Variants in DLEU7 observed in about 807,000 individuals in gnomAD.
DLEU7 encodes leukemia-associated protein 7.
In DLEU7, 17 loss-of-function variants were observed where a neutral mutation model predicts 16.0. That is an observed-to-expected ratio of 1.06 (90% confidence interval 0.73 to 1.59). DLEU7 has a LOEUF of 1.59. DLEU7 is among the 40% of genes most tolerant of loss of function. DLEU7 has a pLI of 0.00. For missense variants in DLEU7, 308 were observed against 314.9 expected, an observed-to-expected ratio of 0.98 and a Z score of 0.17; for synonymous variants, 113 against 139.8, an observed-to-expected ratio of 0.81 and a Z score of 1.35.
chr13:50,766,808 C>T (rs1229225886), intron 1 of DLEU7, among the ~76,000 whole-genome samples: 2 of 151,254 alleles, frequency 1.3e-5, no homozygotes, highest in Non-Finnish European at 2.9e-5. Flanking sequence ...CCACCCCCCA[C>T]GCCCCACCCC....
At chr13:50,823,547 G>T in intron 1 of DLEU7, 27 bp from the exon 2 acceptor site, 4 of 1,533,858 alleles carry the variant, frequency 2.6e-6, no homozygotes, top group Non-Finnish European at 3.5e-6. Context: ...ACACAAACAA[G>T]AAATTAGATA....
At chr13:50,816,006 T>C (rs1483261010) in intron 1 of DLEU7, among the ~76,000 whole-genome samples, 1 of 152,136 alleles carries the variant, frequency 6.6e-6, no homozygotes, top group Admixed American at 6.6e-5. Context: ...AGCAAAAGTG[T>C]GAGGTCAATT....
chr13:50,801,319 A>G (rs759760514), intron 1 of DLEU7, among the ~76,000 whole-genome samples: 6 of 151,906 alleles, frequency 3.9e-5, no homozygotes, highest in Non-Finnish European at 8.8e-5. Context: ...CAGTGCAGCA[A>G]CCCTTCCTGA....
intron 1 of DLEU7, among the ~76,000 whole-genome samples, chr13:50,769,960 G>C (rs1049720862): frequency 2.6e-5 from 4 of 152,058 alleles, no homozygotes; most frequent in East Asian, 1.9e-4. Flanking sequence ...CTTTTATTTC[G>C]TTGAGCAGTG....
intron 1 of DLEU7, among the ~76,000 whole-genome samples, chr13:50,770,086 G>A (rs1001163700): frequency 1.3e-5 from 2 of 152,102 alleles, no homozygotes; most frequent in African/African-American, 2.4e-5. Context: ...TGTTATTGGT[G>A]TATAGGAATG....
chr13:50,835,655 C>T (rs9568481), intron 1 of DLEU7, among the ~76,000 whole-genome samples: 67,547 of 152,030 alleles, frequency 0.44, 15,402 homozygotes, highest in Middle Eastern at 0.52. Flanking sequence ...AATCAGAAAC[C>T]GCCCAGCTGG....
intron 1 of DLEU7, among the ~76,000 whole-genome samples, chr13:50,747,547 A>G (rs896448617): frequency 1.3e-5 from 2 of 152,102 alleles, no homozygotes; most frequent in African/African-American, 4.8e-5. Context: ...GAGAAGCCCA[A>G]AATTTCACAG....
Position 50,843,202 on chromosome 13 carries a change from GA to G in DLEU7, c.444del (p.Ile150PhefsTer3). Reference sequence around the variant, plus strand: ...GCCAGACTCACCTTCAGGTGAATGGGAAAGGACCGCTCCTGCTGGAGGGGCC... The same window carrying G: ...GCCAGACTCACCTTCAGGTGAATGGGAAGGACCGCTCCTGCTGGAGGGGCC... Reference protein sequence around the residue: ...LLGPLQQERSFPIHLKDSVEF... With the variant: ...LLGPLQQERSXPIHLKDSVEF... On this transcript the variant is annotated frameshift_variant, in exon 1 of 2. Transcript: ENST00000504404. LOFTEE classifies it high-confidence loss of function. The surrounding 1 kb of genome is among the most constrained non-coding windows in gnomAD (Gnocchi z 5.7). The G allele has an allele frequency of 6.3e-7, 1 of 1,593,674 alleles. No homozygotes were observed. Among genetic ancestry groups the G allele is most frequent in the East Asian group, 2.4e-5 (1 of 42,010 alleles).
chr13:50,778,006 G>T (rs192685565), intron 1 of DLEU7, among the ~76,000 whole-genome samples: 6 of 152,270 alleles, frequency 3.9e-5, no homozygotes, highest in Non-Finnish European at 8.8e-5. Flanking sequence ...GGAAGATCAA[G>T]TGACAAACCT....
chr13:50,791,469 A>G (rs576919727), intron 1 of DLEU7, among the ~76,000 whole-genome samples: 83 of 152,256 alleles, frequency 5.5e-4, no homozygotes, highest in African/African-American at 1.9e-3. Flanking sequence ...GGAACAGGGT[A>G]GACTGGACAC....
chr13:50,715,193 C>A (rs1873406598), intron 1 of DLEU7, among the ~76,000 whole-genome samples: 1 of 152,150 alleles, frequency 6.6e-6, no homozygotes, highest in African/African-American at 2.4e-5. Flanking sequence ...TCTCACGAGG[C>A]CTCATCTCTC....
intron 1 of DLEU7, among the ~76,000 whole-genome samples, chr13:50,738,984 C>T (rs1473571290): frequency 1.5e-5 from 2 of 130,488 alleles, no homozygotes; most frequent in Non-Finnish European, 3.1e-5. Flanking sequence ...CACACACACA[C>T]ACACACACAC....
intron 1 of DLEU7, among the ~76,000 whole-genome samples, chr13:50,817,616 C>A (rs1166235883): frequency 6.6e-6 from 1 of 152,070 alleles, no homozygotes; most frequent in African/African-American, 2.4e-5. Context: ...GGATCTGGCA[C>A]CAGAGCATGA....
intron 1 of DLEU7, among the ~76,000 whole-genome samples, chr13:50,833,672 C>T (rs1252840908): frequency 3.3e-5 from 5 of 152,150 alleles, no homozygotes; most frequent in Non-Finnish European, 7.3e-5. Flanking sequence ...ACTTTCTTCA[C>T]AGAATTAGAA....
At chr13:50,796,833 C>T (rs140593964) in intron 1 of DLEU7, among the ~76,000 whole-genome samples, 34 of 152,234 alleles carry the variant, frequency 2.2e-4, no homozygotes, top group African/African-American at 7.0e-4. Flanking sequence ...AGAAGGAAAA[C>T]GCATCCCTGA....
intron 1 of DLEU7, among the ~76,000 whole-genome samples, chr13:50,714,449 C>A (rs760755137): frequency 2.7e-4 from 41 of 152,216 alleles, no homozygotes; most frequent in Non-Finnish European, 4.9e-4. Flanking sequence ...CTTTAAGTAA[C>A]AGGATATTAA....
intron 1 of DLEU7, among the ~76,000 whole-genome samples, chr13:50,762,726 CAAAACAAAACAAA>C (rs1435512748): frequency 2.0e-5 from 3 of 147,988 alleles, no homozygotes; most frequent in African/African-American, 7.5e-5. Flanking sequence ...GGCCACCCCA[CAAAACAAAACAAA>C]AAAACAACAA....
At chr13:50,773,867 C>T (rs900886479) in intron 1 of DLEU7, among the ~76,000 whole-genome samples, 2 of 152,218 alleles carry the variant, frequency 1.3e-5, no homozygotes, top group Non-Finnish European at 2.9e-5. Flanking sequence ...TTCAGCTATG[C>T]CCTGCCCCCA....
At chr13:50,746,994 C>A (rs1874417874) in intron 1 of DLEU7, among the ~76,000 whole-genome samples, 1 of 152,054 alleles carries the variant, frequency 6.6e-6, no homozygotes, top group South Asian at 2.1e-4. Flanking sequence ...ATATAAGCAT[C>A]TTTGTGAAAA....
Sources: gnomAD v4.1 joint callset for allele counts (sites outside exome capture counted in the v4.1 genomes callset) on GRCh38, gnomAD v4.1.1 for gene constraint, Gnocchi (gnomAD v3.1) non-coding constraint, MANE v1.5 for transcripts, NCBI Gene and HGNC (gene_info 2026-07-23, HGNC 2026-07-21) for gene names.